Variants in ABI2 observed in about 807,000 individuals in gnomAD.
The protein encoded by ABI2 is abl interactor 2, also known as abelson interactor 2.
Under a neutral mutation model 59.2 loss-of-function variants are expected in ABI2, and 25 were observed. The observed-to-expected ratio is 0.42, with a 90% CI of 0.31 to 0.59. The LOEUF (loss-of-function observed/expected upper bound fraction) is 0.59. Ranked by LOEUF, ABI2 falls within the 20% of genes least tolerant of loss-of-function variation. The probability of loss-of-function intolerance (pLI) is 0.14; values close to 1 mark genes in which losing one functional copy is unlikely to be tolerated. For missense variants in ABI2, 545 were observed against 681.8 expected (o/e 0.80, Z 2.23); for synonymous variants, 213 against 235.5 (o/e 0.90, Z 0.87).
In ABI2 at chr2:203,363,460, T is replaced by G. The variant is rs1340467944; in HGVS notation, c.118-3417T>G. ...TACCCCTACCTCCACCATTCTCACTTTCCCCCTACTCCCCACTCCCCTACC... is the reference window on the plus strand; with the variant it reads ...TACCCCTACCTCCACCATTCTCACTGTCCCCCTACTCCCCACTCCCCTACC... On this transcript the variant is annotated intron_variant, in intron 1 of 11. Transcript: ENST00000261018. Among the ~76,000 whole-genome samples, 3 of 152,020 alleles carry G rather than the reference T, an allele frequency of 2.0e-5. No individual in the cohort carries two copies. In the East Asian group the frequency reaches 5.8e-4, roughly 29 times the overall value.
At chr2:203,351,690 T>C (rs1231409247) in intron 1 of ABI2, 3 of 331,076 alleles carry the variant, frequency 9.1e-6, no homozygotes, top group Admixed American at 4.5e-5. Flanking sequence ...TGCGTGCTAC[T>C]GTGCCCGGCT....
intron 1 of ABI2, among the ~76,000 whole-genome samples, chr2:203,345,643 A>AG (rs1465084126): frequency 1.3e-5 from 2 of 151,888 alleles, no homozygotes; most frequent in Non-Finnish European, 2.9e-5. Flanking sequence ...TCCTGACTTC[A>AG]GGTGATCCAC....
rs867491619 is a variant in ABI2, at chr2:203,392,311, C to A, written c.578+1168C>A. 1.4e-3 allele frequency among the ~76,000 whole-genome samples: 126 copies of A among 89,640 alleles called. 1 individual carries two copies. Among genetic ancestry groups the A allele is most frequent in the African/African-American group, 3.4e-3 (87 of 25,682 alleles). 58.8% of individuals were successfully genotyped at this position (89,640 alleles called of 152,430 possible). A position where few individuals can be genotyped will look rare whatever the true frequency, so the allele number is the denominator to read the frequency against. ...ACCACCACCACCACCACCACCACCA[C>A]CACCAACAACAACAACAACAACAAC... On this transcript the variant is annotated intron_variant, in intron 5 of 11. Coordinates refer to ENST00000261018, the MANE Select transcript of ABI2 (RefSeq NM_001375670.1).
In ABI2 at chr2:203,429,378, T is replaced by G. The variant is rs1489039283; in HGVS notation, c.*2026T>G. 1.3e-5 allele frequency: 2 copies of G among 152,234 alleles called. No homozygotes were observed. Among genetic ancestry groups the G allele is most frequent in the Non-Finnish European group, 2.9e-5 (2 of 68,042 alleles). The allele number at this position is 152,234 out of a possible 1,614,324, so 9.4% of individuals were successfully genotyped here. ...TATAATTAGAAAAACTGTTTTAAAT[T>G]AGATGTTCCCATTATTTATTTAAAC... On this transcript the variant is annotated 3_prime_UTR_variant, in exon 12 of 12. Transcript: ENST00000261018.
chr2:203,379,274 G>A (rs752369214), intron 2 of ABI2, among the ~76,000 whole-genome samples: 1 of 152,120 alleles, frequency 6.6e-6, no homozygotes, highest in Admixed American at 6.5e-5. Context: ...TTGACACAGG[G>A]TCTTGCTCTG....
intron 11 of ABI2, among the ~76,000 whole-genome samples, chr2:203,421,126 A>G (rs1240283683): frequency 2.0e-5 from 3 of 152,244 alleles, no homozygotes; most frequent in Non-Finnish European, 4.4e-5. Context: ...TAATGATAAT[A>G]TCCATCTACT....
chr2:203,385,474 C>T (rs1225884139), intron 4 of ABI2, among the ~76,000 whole-genome samples: 5 of 152,102 alleles, frequency 3.3e-5, no homozygotes, highest in Admixed American at 3.3e-4. Context: ...GTTTTACAGC[C>T]AGCAAATTAA....
intron 8 of ABI2, among the ~76,000 whole-genome samples, chr2:203,399,945 C>A (rs2097152958): frequency 6.6e-6 from 1 of 151,956 alleles, no homozygotes; most frequent in Admixed American, 6.6e-5. Flanking sequence ...TACCTGAAGT[C>A]ATAAAGATTT....
chr2:203,353,182 A>G (rs2089953870), intron 1 of ABI2, among the ~76,000 whole-genome samples: 1 of 152,190 alleles, frequency 6.6e-6, no homozygotes. Flanking sequence ...TCTGTTGTGA[A>G]TGGAATTTGT....
At chr2:203,355,847 A>AAAC (rs2091701992) in intron 1 of ABI2, among the ~76,000 whole-genome samples, 1 of 151,260 alleles carries the variant, frequency 6.6e-6, no homozygotes, top group African/African-American at 2.4e-5. Context: ...AAAAAAAAAA[A>AAAC]AAAACACCCC....
rs930077218 is a variant in ABI2 at position 203,370,549 on chromosome 2, A to G, written c.285+3505A>G. The stretch of plus-strand genomic sequence containing the variant: ...GCCATATAAAAGCAGGCAGCGGGCC[A>G]CATTCTGGCATGGAGCCTTAGTTTG... On this transcript the variant is annotated intron_variant, in intron 2 of 11. Coordinates refer to ENST00000261018, the MANE Select transcript of ABI2 (RefSeq NM_001375670.1). 5.9e-5 allele frequency among the ~76,000 whole-genome samples: 9 copies of G among 152,372 alleles called. No individual in the cohort carries two copies. The East Asian group carries it at 9.6e-4, about 16-fold the overall frequency.
intron 2 of ABI2, 59 bp downstream of exon 2, chr2:203,367,103 T>C: frequency 6.6e-7 from 1 of 1,511,620 alleles, no homozygotes; most frequent in Non-Finnish European, 8.9e-7. Flanking sequence ...AAACACAGGC[T>C]ATCTGTAATG....
At chr2:203,421,969 A>AAAAAG (rs2098231892) in intron 11 of ABI2, among the ~76,000 whole-genome samples, 1 of 151,192 alleles carries the variant, frequency 6.6e-6, no homozygotes, top group African/African-American at 2.4e-5. Flanking sequence ...TGTCTCAAAA[A>AAAAAG]AAAAAAAAAA....
chr2:203,328,450 C>T lies in ABI2; in HGVS notation c.-65C>T. ...TCCTCCTCTCCCGGTCCTGGGTTTC[C>T]TTGGCGCTGCGGCCGCCGCTCCCTC... On this transcript the variant is annotated 5_prime_UTR_variant, in exon 1 of 12. Coordinates refer to ENST00000261018, the MANE Select transcript of ABI2 (RefSeq NM_001375670.1). 1 of 1,380,956 alleles carries T rather than the reference C, an allele frequency of 7.2e-7. No individual in the cohort carries two copies. The highest frequency in any genetic ancestry group is 1.3e-5 in the South Asian group (1 of 79,816). The allele number at this position is 1,380,956 out of a possible 1,614,324, so 85.5% of individuals were successfully genotyped here. A position where few individuals can be genotyped will look rare whatever the true frequency, so the allele number is the denominator to read the frequency against.
intron 3 of ABI2, 27 bp downstream of exon 3, chr2:203,380,411 A>C (rs758351931): frequency 6.9e-7 from 1 of 1,457,278 alleles, no homozygotes; most frequent in Non-Finnish European, 9.2e-7. Context: ...TCAAGCTTTT[A>C]AAAGTAGTAA....
intron 6 of ABI2, chr2:203,395,207 A>G: frequency 1.7e-6 from 1 of 599,476 alleles, no homozygotes; most frequent in Non-Finnish European, 2.9e-6. Context: ...TCAGAGTATG[A>G]TTATTAATTA....
chr2:203,351,563 T>A (rs1316526927), intron 1 of ABI2: 2 of 428,244 alleles, frequency 4.7e-6, no homozygotes, highest in Admixed American at 5.5e-5. Context: ...AGAGATGGGG[T>A]CTTGGTATGT....
At chr2:203,420,888 C>G (rs755969928) in intron 11 of ABI2, among the ~76,000 whole-genome samples, 18 of 144,700 alleles carry the variant, frequency 1.2e-4, no homozygotes, top group Non-Finnish European at 2.2e-4. Context: ...AAGGAAGGGC[C>G]TTCCAAGCTG....
intron 4 of ABI2, among the ~76,000 whole-genome samples, chr2:203,390,602 A>G (rs1376663615): frequency 6.6e-6 from 1 of 152,148 alleles, no homozygotes. Flanking sequence ...CCTGCACTCC[A>G]GCCTGGGTAA....
Sources: allele counts gnomAD v4.1 joint callset (sites outside exome capture counted in the v4.1 genomes callset), GRCh38; gene constraint gnomAD v4.1.1; transcripts MANE v1.5; gene names NCBI Gene and HGNC (gene_info 2026-07-23, HGNC 2026-07-21).